ANKRD36B: variants seen among roughly 807,000 people sequenced by gnomAD.
ANKRD36B encodes ankyrin repeat domain 36B.
A neutral mutation model predicts 135.7 loss-of-function variants in ANKRD36B; 37 were observed. The observed-to-expected ratio is 0.27, with a 90% CI of 0.21 to 0.36. The LOEUF is 0.36. ANKRD36B is among the 10% of genes least tolerant of loss of function. The pLI, the probability that ANKRD36B is intolerant of heterozygous loss-of-function variation, is 1.00. For synonymous variants in ANKRD36B, 179 were observed against 348.1 expected (o/e 0.51, Z 5.41); for missense variants, 549 against 1,037.1 (o/e 0.53, Z 6.46).
intron 20 of ANKRD36B, 118 bp from the exon 21 acceptor site, chr2:97,547,849 T>G: frequency 7.0e-7 from 1 of 1,419,206 alleles, no homozygotes; most frequent in Non-Finnish European, 9.7e-7. Context: ...TAGGCTTTGA[T>G]GGCTTCTACT....
chr2:97,574,291 CTCA>C (rs1286968346), intron 6 of ANKRD36B, among the ~76,000 whole-genome samples: 7 of 152,152 alleles, frequency 4.6e-5, no homozygotes, highest in Admixed American at 1.3e-4. Flanking sequence ...TGAAAAAATG[CTCA>C]TCATCACTGG....
At position 97,560,699 on chromosome 2, in the gene ANKRD36B, G is replaced by A; in HGVS notation, c.831C>T (p.Ala277=). 1 of 1,603,178 alleles carries A rather than the reference G, an allele frequency of 6.2e-7. No homozygotes were observed. The highest frequency in any genetic ancestry group is 8.5e-7 in the Non-Finnish European group (1 of 1,178,328). ...SDDKDSVSNI[A]TEIKEGPISG... is the part of the protein sequence containing the mutation. Reference sequence around the variant, plus strand: ...ATATAGGTCCCTCCTTTATTTCTGTGGCTATATTTGAAACAGAATCTTTGT... The same window carrying A: ...ATATAGGTCCCTCCTTTATTTCTGTAGCTATATTTGAAACAGAATCTTTGT... Residue 277 remains alanine (A), a synonymous_variant, in exon 8 of 44, where the codon GCC becomes GCT. Coordinates refer to ENST00000359901, the MANE Select transcript of ANKRD36B (RefSeq NM_001393939.1).
chr2:97,569,689 C>T (rs1048952542), intron 6 of ANKRD36B, among the ~76,000 whole-genome samples: 1 of 152,010 alleles, frequency 6.6e-6, no homozygotes, highest in African/African-American at 2.4e-5. Context: ...AGGTTCTTTT[C>T]AATATTGCTG....
rs2442305 is a variant in ANKRD36B at position 97,585,675 on chromosome 2, G to A, written c.162-277C>T. ...TTCAATTTCCTTATCAATAAAATATGTAAGAGAATAGTAGCTAGCCCACAG... is the reference window on the plus strand; with the variant it reads ...TTCAATTTCCTTATCAATAAAATATATAAGAGAATAGTAGCTAGCCCACAG... On this transcript the variant is annotated intron_variant, in intron 1 of 43. Coordinates refer to ENST00000359901, the MANE Select transcript of ANKRD36B (RefSeq NM_001393939.1). Among the ~76,000 whole-genome samples the A allele has an allele frequency of 1.4e-4, 22 of 152,266 alleles. No individual in the cohort carries two copies. The East Asian group carries it at 3.7e-3, about 25-fold the overall frequency.
chr2:97,549,827 C>G (rs1399547423), intron 18 of ANKRD36B, among the ~76,000 whole-genome samples: 1 of 151,890 alleles, frequency 6.6e-6, no homozygotes, highest in African/African-American at 2.4e-5. Context: ...CAATTTCAAA[C>G]ATGGTATGAT....
intron 3 of ANKRD36B, among the ~76,000 whole-genome samples, chr2:97,583,652 G>A (rs1309468391): frequency 1.4e-5 from 2 of 143,776 alleles, no homozygotes; most frequent in Non-Finnish European, 3.1e-5. Flanking sequence ...TTGTGTTGTT[G>A]CTGTTAGAGG....
At chr2:97,565,902 T>A (rs2081392760) in intron 6 of ANKRD36B, among the ~76,000 whole-genome samples, 1 of 151,802 alleles carries the variant, frequency 6.6e-6, no homozygotes, top group African/African-American at 2.4e-5. Flanking sequence ...TATATATATA[T>A]GTACAGTGGC....
rs571958025 is a variant in ANKRD36B, at chr2:97,589,713, G to T, written c.-28C>A. 7 of 1,613,810 alleles carry T rather than the reference G, an allele frequency of 4.3e-6. No homozygotes were observed. The highest frequency in any genetic ancestry group is 2.7e-5 in the African/African-American group (2 of 74,956). ...GGGTGGGCCACCTCTCCCGCTCGTC[G>T]TCTTCCTTAATCGTCGGCTGCAAAT... On this transcript the variant is annotated 5_prime_UTR_variant, in exon 1 of 44. Coordinates refer to ENST00000359901, the MANE Select transcript of ANKRD36B (RefSeq NM_001393939.1).
intron 4 of ANKRD36B, among the ~76,000 whole-genome samples, chr2:97,579,477 C>T (rs1559238501): frequency 2.0e-5 from 3 of 148,360 alleles, no homozygotes; most frequent in Admixed American, 1.4e-4. Context: ...GTCATAGCTT[C>T]AGTTAATGAT....
chr2:97,564,537 C>T lies in ANKRD36B; in HGVS notation c.764-3677G>A, dbSNP rs1302821979. Among the ~76,000 whole-genome samples the T allele has an allele frequency of 2.6e-5, 4 of 152,208 alleles. No individual in the cohort carries two copies. The East Asian group carries it at 5.8e-4, about 22-fold the overall frequency. ...ACTTAATTTTAAGTCTTTAATGCAC[C>T]TTGAGTTAATTTTTGTATAAAGTGT... is the stretch of plus-strand genomic sequence containing the variant. On this transcript the variant is annotated intron_variant, in intron 6 of 43. Coordinates refer to ENST00000359901, the MANE Select transcript of ANKRD36B (RefSeq NM_001393939.1).
chr2:97,551,157 T>C (rs1286193494), intron 18 of ANKRD36B, 132 bp downstream of exon 18: 3 of 1,280,756 alleles, frequency 2.3e-6, no homozygotes, highest in African/African-American at 1.5e-5. Flanking sequence ...CCCAAGAACT[T>C]ATTAGAAATG....
intron 6 of ANKRD36B, among the ~76,000 whole-genome samples, chr2:97,574,895 A>G (rs1279208879): frequency 6.6e-6 from 1 of 152,040 alleles, no homozygotes; most frequent in Admixed American, 6.6e-5. Flanking sequence ...GACCCTGTGC[A>G]CGTAGCTTCT....
At chr2:97,574,674 T>C (rs1212813944) in intron 6 of ANKRD36B, among the ~76,000 whole-genome samples, 2 of 152,188 alleles carry the variant, frequency 1.3e-5, no homozygotes, top group African/African-American at 2.4e-5. Flanking sequence ...TCGGGATGTA[T>C]GTGCTTTGGA....
chr2:97,571,480 T>TA (rs559832123), intron 6 of ANKRD36B, among the ~76,000 whole-genome samples: 47 of 152,200 alleles, frequency 3.1e-4, no homozygotes, highest in African/African-American at 1.0e-3. Context: ...ACCGCATCTC[T>TA]ACTAAAAATA....
chr2:97,534,442 T>C (rs1202429605), intron 34 of ANKRD36B, among the ~76,000 whole-genome samples: 1 of 96,724 alleles, frequency 1.0e-5, no homozygotes, highest in Non-Finnish European at 2.7e-5. Flanking sequence ...TTAGCAGTAG[T>C]ACCTTACATG....
intron 38 of ANKRD36B, 100 bp downstream of exon 38, chr2:97,513,080 G>A: frequency 8.0e-7 from 1 of 1,252,108 alleles, no homozygotes; most frequent in Non-Finnish European, 1.0e-6. Flanking sequence ...ATAAAATTTG[G>A]GGATTGTTCA....
intron 8 of ANKRD36B, among the ~76,000 whole-genome samples, 166 bp downstream of exon 8, chr2:97,560,499 G>T (rs184695107): frequency 6.6e-6 from 1 of 151,882 alleles, no homozygotes; most frequent in Non-Finnish European, 1.5e-5. Context: ...CATGACCAAG[G>T]ACCAGCAGTA....
rs1265934318 is a variant in ANKRD36B, at chr2:97,530,026, A to G, written c.2265+2285T>C. Reference sequence around the variant, plus strand: ...TGCCATCCCCATCAAGCTCCCAATGACTTTCTTCACTGAATTGGAAAAAAC... The same window carrying G: ...TGCCATCCCCATCAAGCTCCCAATGGCTTTCTTCACTGAATTGGAAAAAAC... On this transcript the variant is annotated intron_variant, in intron 35 of 43. Coordinates refer to ENST00000359901, the MANE Select transcript of ANKRD36B (RefSeq NM_001393939.1). Among the ~76,000 whole-genome samples the G allele has an allele frequency of 2.1e-5, 2 of 96,026 alleles. 1 individual carries two copies. The highest frequency in any genetic ancestry group is 5.5e-5 in the Non-Finnish European group (2 of 36,252). The allele number at this position is 96,026 out of a possible 152,430, so 63.0% of individuals were successfully genotyped here.
Position 97,540,077 on chromosome 2 carries a change from C to T in ANKRD36B, c.1944G>A (p.Ser648=), listed in dbSNP as rs546924269. ...KTTGDEKDSV[S]NIAREIKDGE... ...CATCCTTTATTTCTCTGGCTATATT[C>T]GAAACAGAATCTTTCTCATCACCTG... is the stretch of plus-strand genomic sequence containing the variant. The change falls in exon 30 of 44, where the codon TCG becomes TCA. Residue 648 remains serine, a synonymous_variant. Coordinates refer to ENST00000359901, the MANE Select transcript of ANKRD36B (RefSeq NM_001393939.1). 4.1e-5 allele frequency: 39 copies of T among 940,020 alleles called. 8 individuals carry two copies. The highest frequency in any genetic ancestry group is 3.8e-4 in the South Asian group (31 of 81,328). 58.2% of individuals were successfully genotyped at this position (940,020 alleles called of 1,614,324 possible). A position where few individuals can be genotyped will look rare whatever the true frequency, so the allele number is the denominator to read the frequency against.
Sources: allele counts gnomAD v4.1 joint callset (sites outside exome capture counted in the v4.1 genomes callset), GRCh38; gene constraint gnomAD v4.1.1; transcripts MANE v1.5; gene names NCBI Gene and HGNC (gene_info 2026-07-23, HGNC 2026-07-21).